Variants in UNC5C observed in about 807,000 individuals in gnomAD.
UNC5C encodes netrin receptor UNC5C.
UNC5C carries 47 observed loss-of-function variants against 99.8 expected under a neutral mutation model. The observed-to-expected ratio is 0.47, with a 90% CI of 0.37 to 0.60. The LOEUF is 0.60. Ranked by LOEUF, UNC5C falls within the 20% of genes least tolerant of loss-of-function variation. UNC5C has a pLI of 0.00. For synonymous variants in UNC5C, 487 were observed against 452.2 expected (o/e 1.08, Z -0.98); for missense variants, 1,062 against 1,165.9 (o/e 0.91, Z 1.30).
intron 2 of UNC5C, among the ~76,000 whole-genome samples, chr4:95,324,117 C>T (rs1742800918): frequency 6.6e-6 from 1 of 152,122 alleles, no homozygotes; most frequent in Admixed American, 6.5e-5. Context: ...ATACAGAGGT[C>T]CCCAACCCCC....
intron 1 of UNC5C, among the ~76,000 whole-genome samples, chr4:95,455,040 C>T (rs1747389696): frequency 6.6e-6 from 1 of 151,830 alleles, no homozygotes; most frequent in Admixed American, 6.6e-5. Context: ...CTTAATGTTA[C>T]ATTATAAGAC....
In UNC5C at chr4:95,163,184, C is replaced by A. The variant is rs1435304904; in HGVS notation, c.*6050G>T. ...AATGCAAATCACTTGTTCCACTGTT[C>A]TGACTGCTGTACTTTTTCTTGTCCA... On this transcript the variant is annotated 3_prime_UTR_variant, in exon 16 of 16. Transcript: ENST00000453304. 2.0e-5 allele frequency: 3 copies of A among 152,348 alleles called. No homozygotes were observed. In the South Asian group the frequency reaches 6.2e-4, roughly 32 times the overall value. 9.4% of individuals were successfully genotyped at this position (152,348 alleles called of 1,614,324 possible).
At chr4:95,244,857 T>C (rs754843292) in intron 6 of UNC5C, 120 bp downstream of exon 6, 110 of 1,322,806 alleles carry the variant, frequency 8.3e-5, no homozygotes, top group Non-Finnish European at 1.1e-4. Flanking sequence ...GTGAGTAGGA[T>C]GGATTTAAAT....
At chr4:95,185,888 C>G (rs1007121769) in intron 12 of UNC5C, among the ~76,000 whole-genome samples, 9 of 152,102 alleles carry the variant, frequency 5.9e-5, no homozygotes, top group African/African-American at 2.2e-4. Context: ...AACAGTTACT[C>G]CAATTACATT....
chr4:95,258,454 G>T (rs1339937791), intron 4 of UNC5C, among the ~76,000 whole-genome samples: 1 of 152,108 alleles, frequency 6.6e-6, no homozygotes, highest in South Asian at 2.1e-4. Flanking sequence ...AGAAAAACAG[G>T]TTGGAGTTCA....
rs1307103039 is a variant in UNC5C at position 95,202,832 on chromosome 4, C to T, written c.2035G>A (p.Ala679Thr). Residue 679 changes from alanine to threonine, a missense_variant, in exon 12 of 16, where the codon GCG (alanine) becomes ACG (threonine). Around this residue, in one of 3 missense-constraint regions of UNC5C, gnomAD observed 810 missense variants for 854.5 expected, o/e 0.95. Coordinates refer to ENST00000453304, the MANE Select transcript of UNC5C (RefSeq NM_003728.4). ...LVGHSTTKAA[A>T]KRLKLAIFGP... Reference sequence around the variant, plus strand: ...AAGATGGCCAGCTTGAGGCGCTTCGCAGCCGCTTTGGTGGTGGAATGTCCT... The same window carrying T: ...AAGATGGCCAGCTTGAGGCGCTTCGTAGCCGCTTTGGTGGTGGAATGTCCT... 5.6e-6 allele frequency: 9 copies of T among 1,614,124 alleles called. No individual in the cohort carries two copies. The highest frequency in any genetic ancestry group is 1.6e-4 in the Middle Eastern group (1 of 6,082).
At chr4:95,541,766 T>C (rs1248410263) in intron 1 of UNC5C, among the ~76,000 whole-genome samples, 1 of 152,168 alleles carries the variant, frequency 6.6e-6, no homozygotes, top group Non-Finnish European at 1.5e-5. Flanking sequence ...ACAAGCACTA[T>C]TCTGTTTTTA....
At chr4:95,259,449 T>C (rs1047949578) in intron 4 of UNC5C, among the ~76,000 whole-genome samples, 10 of 152,236 alleles carry the variant, frequency 6.6e-5, no homozygotes, top group Admixed American at 6.5e-4. Flanking sequence ...CTGAGTCCTT[T>C]CAGCCTTCGC....
intron 1 of UNC5C, among the ~76,000 whole-genome samples, chr4:95,490,658 T>G (rs982708575): frequency 2.0e-5 from 3 of 151,762 alleles, no homozygotes; most frequent in African/African-American, 4.8e-5. Flanking sequence ...ATCCTCCTGC[T>G]AAGAATAAAA....
intron 1 of UNC5C, among the ~76,000 whole-genome samples, chr4:95,378,266 CTCACTT>C (rs1197307061): frequency 2.0e-5 from 3 of 152,134 alleles, no homozygotes; most frequent in Admixed American, 1.3e-4. Context: ...CAAAATGTAA[CTCACTT>C]TCAAAGTAGG....
At chr4:95,546,629 T>C (rs1170246892) in intron 1 of UNC5C, among the ~76,000 whole-genome samples, 1 of 151,938 alleles carries the variant, frequency 6.6e-6, no homozygotes, top group Non-Finnish European at 1.5e-5. Context: ...CCCAACGGAG[T>C]ACATTTTCTT....
In UNC5C at chr4:95,182,937, C is replaced by G; in HGVS notation, c.2411G>C (p.Gly804Ala). ...VCKLCVRQVE[G>A]EGQIFQLNCT... is the part of the protein sequence containing the mutation. ...GTTGAGCTGGAAGATCTGCCCTTCT[C>G]CTTCCACCTGCCGCACACAGAGTTT... is the stretch of plus-strand genomic sequence containing the variant. Residue 804 changes from glycine to alanine, a missense_variant, in exon 14 of 16, where the codon GGA (glycine) becomes GCA (alanine). Gly to Ala is a moderately conservative substitution (Grantham distance 60, BLOSUM62 0). This residue lies in a region of UNC5C where 810 missense variants were observed against 854.5 expected (regional missense o/e 0.95). Coordinates refer to ENST00000453304, the MANE Select transcript of UNC5C (RefSeq NM_003728.4). The G allele has an allele frequency of 6.2e-7, 1 of 1,613,952 alleles. No individual in the cohort carries two copies. The highest frequency in any genetic ancestry group is 1.7e-4 in the Middle Eastern group (1 of 6,060).
At chr4:95,177,189 A>G (rs1455572649) in intron 14 of UNC5C, among the ~76,000 whole-genome samples, 11 of 152,348 alleles carry the variant, frequency 7.2e-5, no homozygotes, top group Non-Finnish European at 2.9e-5. Flanking sequence ...GGAAATGCAG[A>G]AATCACCCAT....
intron 1 of UNC5C, among the ~76,000 whole-genome samples, chr4:95,494,782 C>G (rs1721586044): frequency 6.6e-6 from 1 of 151,360 alleles, no homozygotes; most frequent in South Asian, 2.1e-4. Flanking sequence ...AAGAGCAGAA[C>G]TGATACAAAT....
intron 14 of UNC5C, among the ~76,000 whole-genome samples, chr4:95,179,746 C>CAAAAA (rs33974336): frequency 2.0e-5 from 2 of 98,494 alleles, no homozygotes; most frequent in Non-Finnish European, 3.6e-5. Flanking sequence ...GACTCCTTCT[C>CAAAAA]AAAAAAAAAA....
rs372767649 is a variant in UNC5C at position 95,170,204 on chromosome 4, C to G, written c.2580G>C (p.Gln860His). 5.4e-5 allele frequency: 87 copies of G among 1,614,160 alleles called. No individual in the cohort carries two copies. In the East Asian group the frequency reaches 6.2e-4, roughly 12 times the overall value. ...GCATCCTCCAGTCATGGCCTCTCGT[C>G]TGGGGGGCATCCAGGCTGCTACAGA... ...QKLCSSLDAP[Q>H]TRGHDWRMLA... Residue 860 changes from glutamine to histidine, a missense_variant, in exon 15 of 16, where the codon CAG (glutamine) becomes CAC (histidine). By Grantham distance (24) the Gln-to-His change is conservative. This residue lies in a region of UNC5C where 810 missense variants were observed against 854.5 expected (regional missense o/e 0.95). Coordinates refer to ENST00000453304, the MANE Select transcript of UNC5C (RefSeq NM_003728.4).
At chr4:95,191,719 G>A (rs894896389) in intron 12 of UNC5C, among the ~76,000 whole-genome samples, 7 of 136,968 alleles carry the variant, frequency 5.1e-5, no homozygotes, top group Admixed American at 3.0e-4. Context: ...CTCCTTCCCT[G>A]CTCACCTCCT....
intron 1 of UNC5C, among the ~76,000 whole-genome samples, chr4:95,451,204 C>T (rs1476221810): frequency 6.6e-6 from 1 of 152,172 alleles, no homozygotes; most frequent in Non-Finnish European, 1.5e-5. Flanking sequence ...TCACATTACA[C>T]ATCTAAATAA....
intron 12 of UNC5C, among the ~76,000 whole-genome samples, chr4:95,188,118 A>AT (rs1306448783): frequency 2.0e-5 from 3 of 151,898 alleles, no homozygotes; most frequent in Admixed American, 6.6e-5. Flanking sequence ...CTAATACTGT[A>AT]TTTTTTTTGG....
Sources: gnomAD v4.1 joint callset for allele counts (sites outside exome capture counted in the v4.1 genomes callset) on GRCh38, gnomAD v4.1.1 for gene constraint, gnomAD v4.1.1 regional missense constraint, MANE v1.5 for transcripts, NCBI Gene and HGNC (gene_info 2026-07-23, HGNC 2026-07-21) for gene names.